SLC46A2: variants seen among roughly 807,000 people sequenced by gnomAD.
SLC46A2 encodes the protein thymic stromal co-transporter.
SLC46A2 carries 25 observed loss-of-function variants against 33.1 expected under a neutral mutation model. The observed-to-expected ratio is 0.76, with a 90% CI of 0.55 to 1.06. SLC46A2 has a LOEUF of 1.06. Ranked by LOEUF, SLC46A2 falls within the 50% of genes least tolerant of loss-of-function variation. The pLI, the probability that SLC46A2 is intolerant of heterozygous loss-of-function variation, is 0.00. For missense variants in SLC46A2, 622 were observed against 621.7 expected, an observed-to-expected ratio of 1.00 and a Z score of 0.00; for synonymous variants, 254 against 275.9, an observed-to-expected ratio of 0.92 and a Z score of 0.79.
chr9:112,887,515 G>T, intron 1 of SLC46A2, 102 bp from the exon 2 acceptor site: 5 of 1,063,338 alleles, frequency 4.7e-6, no homozygotes, highest in Non-Finnish European at 6.6e-6. Flanking sequence ...CCCACAATCC[G>T]AATGTGGCTT....
chr9:112,881,810 T>G (rs1841581290), intron 3 of SLC46A2: 1 of 152,224 alleles, frequency 6.6e-6, no homozygotes, highest in African/African-American at 2.4e-5. Context: ...TCATCATCAC[T>G]GCATTCTACC....
rs1158215920 is a variant in SLC46A2, at chr9:112,886,498, G to A, written c.1332C>T (p.Leu444=). The A allele has an allele frequency of 6.2e-7, 1 of 1,614,220 alleles. No individual in the cohort carries two copies. The highest frequency in any genetic ancestry group is 1.1e-5 in the South Asian group (1 of 91,078). Residue 444 remains leucine, a synonymous_variant, in exon 3 of 4, where the codon CTC becomes CTT. Coordinates refer to ENST00000374228, the MANE Select transcript of SLC46A2 (RefSeq NM_033051.4). ...MDMFVGSCFA[L]SSFLSFLAII... ...TGGCCAGGAAGGAGAGAAAGGAGGA[G>A]AGAGCAAAGCAGGAGCCCACAAACA...
chr9:112,888,254 G>A (rs995127008), intron 1 of SLC46A2, among the ~76,000 whole-genome samples: 1 of 152,056 alleles, frequency 6.6e-6, no homozygotes, highest in South Asian at 2.1e-4. Context: ...TCCAGCCTGG[G>A]CAACAAGAGT....
intron 3 of SLC46A2, among the ~76,000 whole-genome samples, chr9:112,883,441 A>G (rs960046142): frequency 6.6e-6 from 1 of 152,112 alleles, no homozygotes; most frequent in Admixed American, 6.5e-5. Flanking sequence ...CAAGTTATTT[A>G]ATACCTTGGA....
intron 3 of SLC46A2, among the ~76,000 whole-genome samples, chr9:112,882,406 C>G (rs1841591143): frequency 6.6e-6 from 1 of 152,164 alleles, no homozygotes; most frequent in Non-Finnish European, 1.5e-5. Flanking sequence ...TGCACCCAGC[C>G]AAACATTTGG....
At chr9:112,886,412 T>A in intron 3 of SLC46A2, 48 bp downstream of exon 3, 3 of 1,604,192 alleles carry the variant, frequency 1.9e-6, no homozygotes, top group Non-Finnish European at 2.6e-6. Flanking sequence ...TTCCTTGACC[T>A]AAGCATCAGG....
At position 112,890,715 on chromosome 9, in the gene SLC46A2, G is replaced by T; in HGVS notation, c.-34C>A. On this transcript the variant is annotated 5_prime_UTR_variant, in exon 1 of 4. Transcript: ENST00000374228. This position sits in a 1 kb window ranked among gnomAD's most constrained non-coding sequence, Gnocchi z 6.0. ...TCTGATGGGGATCGAAGGGCTTTCT[G>T]GCTGCAGTGACAAGGATATGCTCCC... 1 of 1,563,982 alleles carries T rather than the reference G, an allele frequency of 6.4e-7. No homozygotes were observed. Among genetic ancestry groups the T allele is most frequent in the Non-Finnish European group, 8.6e-7 (1 of 1,161,746 alleles).
intron 3 of SLC46A2, among the ~76,000 whole-genome samples, chr9:112,883,444 A>G (rs1348759940): frequency 6.6e-6 from 1 of 152,028 alleles, no homozygotes; most frequent in Non-Finnish European, 1.5e-5. Flanking sequence ...GTTATTTAAT[A>G]CCTTGGAGGC....
In SLC46A2 at chr9:112,890,856, G is replaced by A. The variant is rs1415555395; in HGVS notation, c.-175C>T. The A allele has an allele frequency of 2.5e-6, 2 of 789,350 alleles. No individual in the cohort carries two copies. The highest frequency in any genetic ancestry group is 3.9e-6 in the Non-Finnish European group (2 of 514,688). 48.9% of individuals were successfully genotyped at this position (789,350 alleles called of 1,614,324 possible). A position where few individuals can be genotyped will look rare whatever the true frequency, so the allele number is the denominator to read the frequency against. On this transcript the variant is annotated 5_prime_UTR_variant, in exon 1 of 4. Coordinates refer to ENST00000374228, the MANE Select transcript of SLC46A2 (RefSeq NM_033051.4). This position sits in a 1 kb window ranked among gnomAD's most constrained non-coding sequence, Gnocchi z 6.0. Reference sequence around the variant, plus strand: ...AGCGCGCCGGCCAGTGGCGAGCAGAGCCAGGGCACGCAGCGCCTGTGACAG... The same window carrying A: ...AGCGCGCCGGCCAGTGGCGAGCAGAACCAGGGCACGCAGCGCCTGTGACAG...
chr9:112,885,032 G>A (rs553734094), intron 3 of SLC46A2: 2 of 152,188 alleles, frequency 1.3e-5, no homozygotes, highest in African/African-American at 4.8e-5. Flanking sequence ...AGTCCTTAGG[G>A]TCGGACAGTT....
intron 1 of SLC46A2, among the ~76,000 whole-genome samples, chr9:112,888,253 G>C (rs964731529): frequency 2.0e-5 from 3 of 152,032 alleles, no homozygotes; most frequent in African/African-American, 7.3e-5. Context: ...CTCCAGCCTG[G>C]GCAACAAGAG....
intron 1 of SLC46A2, 47 bp downstream of exon 1, chr9:112,889,506 T>G: frequency 6.5e-7 from 1 of 1,547,352 alleles, no homozygotes; most frequent in Admixed American, 1.9e-5. Flanking sequence ...AGCCCCATGA[T>G]GCAGAGGGCT....
intron 3 of SLC46A2, chr9:112,885,777 C>G (rs1841635520): frequency 6.6e-6 from 1 of 152,162 alleles, no homozygotes; most frequent in Non-Finnish European, 1.5e-5. Flanking sequence ...TCACTTTTCT[C>G]TTTTTAAAAT....
rs1435886452 is a variant in SLC46A2 at position 112,890,004 on chromosome 9, C to A, written c.678G>T (p.Val226=). Residue 226 remains valine, a synonymous_variant, in exon 1 of 4, where the codon GTG becomes GTT. Coordinates refer to ENST00000374228, the MANE Select transcript of SLC46A2 (RefSeq NM_033051.4). This position sits in a 1 kb window ranked among gnomAD's most constrained non-coding sequence, Gnocchi z 6.0. Reference sequence around the variant, plus strand: ...TGGCCACCGACTCAGGGACCTTTAGCACCAAAAGGCTGTAGAGCAGGGCAA... The same window carrying A: ...TGGCCACCGACTCAGGGACCTTTAGAACCAAAAGGCTGTAGAGCAGGGCAA... ...ASFALLYSLL[V]LKVPESVAKP... 1 of 1,614,026 alleles carries A rather than the reference C, an allele frequency of 6.2e-7. No individual in the cohort carries two copies. The highest frequency in any genetic ancestry group is 1.3e-5 in the African/African-American group (1 of 74,934).
chr9:112,883,869 T>A (rs1841613463), intron 3 of SLC46A2, among the ~76,000 whole-genome samples: 1 of 152,076 alleles, frequency 6.6e-6, no homozygotes. Context: ...GGCTAATTTT[T>A]GTATTTTATT....
At position 112,890,833 on chromosome 9, in the gene SLC46A2, C is replaced by T; in HGVS notation, c.-152G>A. On this transcript the variant is annotated 5_prime_UTR_variant, in exon 1 of 4. Coordinates refer to ENST00000374228, the MANE Select transcript of SLC46A2 (RefSeq NM_033051.4). The surrounding 1 kb of genome is among the most constrained non-coding windows in gnomAD (Gnocchi z 6.0). Reference sequence around the variant, plus strand: ...GCGAGTGTGCTCCGTGCGCCGGGAGCGCGCCGGCCAGTGGCGAGCAGAGCC... The same window carrying T: ...GCGAGTGTGCTCCGTGCGCCGGGAGTGCGCCGGCCAGTGGCGAGCAGAGCC... 2 of 883,214 alleles carry T rather than the reference C, an allele frequency of 2.3e-6. No individual in the cohort carries two copies. The highest frequency in any genetic ancestry group is 2.1e-5 in the South Asian group (1 of 48,358). The allele number at this position is 883,214 out of a possible 1,614,324, so 54.7% of individuals were successfully genotyped here.
At chr9:112,886,389 A>C in intron 3 of SLC46A2, 71 bp downstream of exon 3, 1 of 1,515,112 alleles carries the variant, frequency 6.6e-7, no homozygotes, top group Non-Finnish European at 9.1e-7. Context: ...GGTGGGCTGG[A>C]GAAGGTCCAA....
Position 112,890,018 on chromosome 9 carries a change from A to G in SLC46A2, c.664T>C (p.Tyr222His). 1 of 1,614,124 alleles carries G rather than the reference A, an allele frequency of 6.2e-7. No homozygotes were observed. Among genetic ancestry groups the G allele is most frequent in the Admixed American group, 1.7e-5 (1 of 60,036 alleles). ...SVSCASFALL[Y>H]SLLVLKVPES... is the part of the protein sequence containing the mutation. ...GGGACCTTTAGCACCAAAAGGCTGTAGAGCAGGGCAAACGAGGCACAGCTC... is the reference window on the plus strand; with the variant it reads ...GGGACCTTTAGCACCAAAAGGCTGTGGAGCAGGGCAAACGAGGCACAGCTC... The change falls in exon 1 of 4, where the codon TAC becomes CAC. Residue 222 changes from tyrosine (Y) to histidine (H), a missense_variant. Physicochemically the swap from Tyr to His is moderately conservative, Grantham distance 83 (BLOSUM62 2). Coordinates refer to ENST00000374228, the MANE Select transcript of SLC46A2 (RefSeq NM_033051.4). The surrounding 1 kb of genome is among the most constrained non-coding windows in gnomAD (Gnocchi z 6.0).
chr9:112,884,467 G>A (rs1007416867), intron 3 of SLC46A2, among the ~76,000 whole-genome samples: 7 of 152,122 alleles, frequency 4.6e-5, no homozygotes, highest in African/African-American at 1.4e-4. Flanking sequence ...GTGACTTTGC[G>A]GAAAGGAAAG....
Sources: gnomAD v4.1 joint callset for allele counts (sites outside exome capture counted in the v4.1 genomes callset) on GRCh38, gnomAD v4.1.1 for gene constraint, Gnocchi (gnomAD v3.1) non-coding constraint, MANE v1.5 for transcripts, NCBI Gene and HGNC (gene_info 2026-07-23, HGNC 2026-07-21) for gene names.